DEPDC5: variants seen among roughly 807,000 people sequenced by gnomAD.
DEPDC5 encodes the protein GATOR1 complex protein DEPDC5.
DEPDC5 carries 73 observed loss-of-function variants against 217.3 expected under a neutral mutation model. The observed-to-expected ratio is 0.34, with a 90% CI of 0.28 to 0.41. The LOEUF (loss-of-function observed/expected upper bound fraction) is 0.41, where lower values mean the gene tolerates loss of function less well. Ranked by LOEUF, DEPDC5 falls within the 10% of genes least tolerant of loss-of-function variation. The probability of loss-of-function intolerance (pLI) is 1.00; values close to 1 mark genes in which losing one functional copy is unlikely to be tolerated. For missense variants in DEPDC5, 1,675 were observed against 2,070.1 expected (o/e 0.81, Z 3.70); for synonymous variants, 733 against 756.7 (o/e 0.97, Z 0.51).
In DEPDC5 at chr22:31,838,071, G is replaced by A. The variant is rs1053101767; in HGVS notation, c.2355-614G>A. ...CTATTGACATCAACTATTTCTCCTC[G>A]TTGATTGATTTATTTTTAACTCCAG... On this transcript the variant is annotated intron_variant, in intron 26 of 42. Coordinates refer to ENST00000651528, the MANE Select transcript of DEPDC5 (RefSeq NM_001242896.3). Among the ~76,000 whole-genome samples the A allele has an allele frequency of 7.2e-5, 11 of 152,114 alleles. No individual in the cohort carries two copies. The East Asian group carries it at 9.7e-4, about 13-fold the overall frequency.
chr22:31,775,242 C>T (rs1202965895), intron 7 of DEPDC5, among the ~76,000 whole-genome samples: 1 of 151,446 alleles, frequency 6.6e-6, no homozygotes, highest in South Asian at 2.1e-4. Context: ...TGCAATGGTG[C>T]GATCTGAGCT....
intron 8 of DEPDC5, among the ~76,000 whole-genome samples, chr22:31,782,102 A>G (rs1434765119): frequency 6.6e-6 from 1 of 151,648 alleles, no homozygotes; most frequent in Non-Finnish European, 1.5e-5. Flanking sequence ...CATTTAGACA[A>G]TATAGCCTAT....
chr22:31,787,811 C>CT (rs895973389), intron 10 of DEPDC5, among the ~76,000 whole-genome samples: 1 of 142,558 alleles, frequency 7.0e-6, no homozygotes, highest in Admixed American at 7.2e-5. Flanking sequence ...GACCCTGTCT[C>CT]TTTAAAAAAA....
chr22:31,886,060 ACT>A (rs1310370521), intron 38 of DEPDC5, among the ~76,000 whole-genome samples: 1 of 151,148 alleles, frequency 6.6e-6, no homozygotes, highest in African/African-American at 2.4e-5. Context: ...ACAAGGTCTT[ACT>A]CTGTTTCCCA....
At chr22:31,802,372 C>T (rs933457601) in intron 14 of DEPDC5, among the ~76,000 whole-genome samples, 8 of 151,926 alleles carry the variant, frequency 5.3e-5, no homozygotes, top group South Asian at 2.1e-4. Context: ...TCAAGTGATC[C>T]GCCTGCTTTG....
intron 33 of DEPDC5, among the ~76,000 whole-genome samples, chr22:31,868,466 C>A (rs905227587): frequency 4.6e-5 from 7 of 152,160 alleles, no homozygotes; most frequent in African/African-American, 1.7e-4. Context: ...CTCTCTCTGT[C>A]GCCCAGGCTG....
chr22:31,804,725 C>T, intron 16 of DEPDC5, 117 bp from the exon 17 acceptor site: 1 of 969,820 alleles, frequency 1.0e-6, no homozygotes, highest in Non-Finnish European at 1.6e-6. Flanking sequence ...CAGGCATGAC[C>T]CACAGCGCCC....
intron 6 of DEPDC5, among the ~76,000 whole-genome samples, chr22:31,767,907 G>A (rs1343591279): frequency 1.3e-5 from 2 of 151,074 alleles, no homozygotes; most frequent in Non-Finnish European, 2.9e-5. Context: ...CACCACACCC[G>A]GCTAATTTTT....
chr22:31,901,808 T>G lies in DEPDC5; in HGVS notation c.4436+6T>G. On this transcript the variant is annotated splice_donor_region_variant and intron_variant, in intron 41 of 42. Transcript: ENST00000651528. ...CAGGAAGCCATTGCACACAGGTTTG[T>G]CCCTTAGCAAGTGTGAAGAGTGGGA... 6.2e-7 allele frequency: 1 copy of G among 1,612,806 alleles called. No homozygotes were observed. Among genetic ancestry groups the G allele is most frequent in the Non-Finnish European group, 8.5e-7 (1 of 1,179,304 alleles).
chr22:31,798,737 C>A, intron 14 of DEPDC5, 81 bp downstream of exon 14: 1 of 1,386,380 alleles, frequency 7.2e-7, no homozygotes, highest in Non-Finnish European at 1.0e-6. Context: ...GATCCAGACC[C>A]TAAGAGAAGG....
intron 18 of DEPDC5, among the ~76,000 whole-genome samples, chr22:31,806,575 GT>G (rs934774676): frequency 3.9e-4 from 59 of 152,340 alleles, no homozygotes; most frequent in African/African-American, 1.3e-3. Flanking sequence ...TTGTTTAAGA[GT>G]TCGTTTTATT....
intron 31 of DEPDC5, among the ~76,000 whole-genome samples, chr22:31,850,384 GAA>G (rs1327375399): frequency 6.6e-6 from 1 of 152,064 alleles, no homozygotes; most frequent in African/African-American, 2.4e-5. Context: ...TTTTGAGAAA[GAA>G]AAAGAGTCCA....
chr22:31,804,943 TGATAAGC>T, intron 17 of DEPDC5, 28 bp downstream of exon 17: 1 of 1,596,736 alleles, frequency 6.3e-7, no homozygotes, highest in South Asian at 1.1e-5. Context: ...CAATAGTAGG[TGATAAGC>T]GTTTTGAACA....
intron 18 of DEPDC5, among the ~76,000 whole-genome samples, chr22:31,807,839 C>T (rs2087740409): frequency 6.6e-6 from 1 of 152,210 alleles, no homozygotes; most frequent in African/African-American, 2.4e-5. Context: ...CCTAGTAGAG[C>T]TGAATTCACT....
chr22:31,869,386 C>A (rs1035329808), intron 33 of DEPDC5, among the ~76,000 whole-genome samples: 1 of 151,796 alleles, frequency 6.6e-6, no homozygotes, highest in South Asian at 2.1e-4. Context: ...AAGGGAGCAG[C>A]GTTTAAAATG....
intron 26 of DEPDC5, 131 bp from the exon 27 acceptor site, chr22:31,838,554 A>T: frequency 1.6e-6 from 2 of 1,241,160 alleles, no homozygotes; most frequent in Non-Finnish European, 2.2e-6. Context: ...CCCAGCTCAA[A>T]CTGTTAGTTT....
At chr22:31,810,856 A>C (rs1456590149) in intron 20 of DEPDC5, among the ~76,000 whole-genome samples, 1 of 151,692 alleles carries the variant, frequency 6.6e-6, no homozygotes, top group African/African-American at 2.4e-5. Context: ...GCTCACTGCA[A>C]CCTTGACCTC....
chr22:31,783,817 T>C, intron 8 of DEPDC5, 90 bp from the exon 9 acceptor site: 1 of 1,105,224 alleles, frequency 9.0e-7, no homozygotes, highest in Non-Finnish European at 1.3e-6. Context: ...ATTTACACTG[T>C]TGTGAAGCAG....
chr22:31,873,789 CTTTT>C (rs796650383), intron 35 of DEPDC5: 9 of 114,700 alleles, frequency 7.8e-5, no homozygotes, highest in South Asian at 5.6e-4. Context: ...ACAACTTCTT[CTTTT>C]TTTTTTTTTT....
Sources: allele counts gnomAD v4.1 joint callset (sites outside exome capture counted in the v4.1 genomes callset), GRCh38; gene constraint gnomAD v4.1.1; transcripts MANE v1.5; gene names NCBI Gene and HGNC (gene_info 2026-07-23, HGNC 2026-07-21).